MAP2K4: variants seen among roughly 807,000 people sequenced by gnomAD.
The protein encoded by MAP2K4 is mitogen-activated protein kinase kinase 4, also known as dual specificity mitogen-activated protein kinase kinase 4.
MAP2K4 carries 4 observed loss-of-function variants against 48.5 expected under a neutral mutation model. The ratio of observed to expected loss-of-function variants is 0.08; its 90% CI spans 0.04 to 0.19. MAP2K4 has a LOEUF of 0.19. Among genes scored for constraint, MAP2K4 ranks in the 10% least tolerant of loss-of-function variants. The pLI, the probability that MAP2K4 is intolerant of heterozygous loss-of-function variation, is 1.00. For synonymous variants in MAP2K4, 166 were observed against 173.1 expected (o/e 0.96, Z 0.32); for missense variants, 258 against 493.3 (o/e 0.52, Z 4.52).
intron 7 of MAP2K4, chr17:12,115,997 A>C (rs2151579788): frequency 2.7e-6 from 1 of 377,320 alleles, no homozygotes. Context: ...GTGGCACTCT[A>C]AAAATGCAGA....
chr17:12,089,005 G>A (rs1331602312), intron 3 of MAP2K4, among the ~76,000 whole-genome samples: 2 of 150,296 alleles, frequency 1.3e-5, no homozygotes, highest in East Asian at 2.0e-4. Flanking sequence ...TCCGCCTCCC[G>A]GGTTCACGCC....
chr17:12,094,782 T>G (rs1441131337), intron 3 of MAP2K4, among the ~76,000 whole-genome samples: 1 of 152,128 alleles, frequency 6.6e-6, no homozygotes. Context: ...TGCAAAGAAA[T>G]TGTTGTACAG....
At chr17:12,097,458 G>A (rs1396588993) in intron 4 of MAP2K4, among the ~76,000 whole-genome samples, 1 of 152,252 alleles carries the variant, frequency 6.6e-6, no homozygotes, top group Non-Finnish European at 1.5e-5. Context: ...AGAAAGCAGA[G>A]TAAGTCATAT....
chr17:12,100,759 G>A (rs1971911085), intron 4 of MAP2K4, among the ~76,000 whole-genome samples: 2 of 152,064 alleles, frequency 1.3e-5, no homozygotes, highest in African/African-American at 2.4e-5. Context: ...AGCCGTTCTA[G>A]TAAATGTGTG....
At chr17:12,066,185 G>A (rs1970612302) in intron 2 of MAP2K4, among the ~76,000 whole-genome samples, 1 of 150,380 alleles carries the variant, frequency 6.6e-6, no homozygotes, top group Admixed American at 6.6e-5. Context: ...AGCCAAAATG[G>A]CCCATTATCT....
intron 3 of MAP2K4, chr17:12,082,013 C>G (rs1555547045): frequency 1.9e-6 from 1 of 516,748 alleles, no homozygotes; most frequent in Non-Finnish European, 4.0e-6. Context: ...GGCTCGGCTT[C>G]TGTTTGTTTA....
chr17:12,061,685 C>T (rs1231942353), intron 2 of MAP2K4, among the ~76,000 whole-genome samples: 1 of 152,204 alleles, frequency 6.6e-6, no homozygotes, highest in East Asian at 1.9e-4. Context: ...TTTTAACCCA[C>T]AGTACTTCTA....
At chr17:12,038,253 T>C (rs1167586840) in intron 1 of MAP2K4, among the ~76,000 whole-genome samples, 1 of 152,150 alleles carries the variant, frequency 6.6e-6, no homozygotes, top group Admixed American at 6.5e-5. Context: ...TCAGATAAGG[T>C]GTAGTAAATA....
chr17:12,107,825 C>A lies in MAP2K4; in HGVS notation c.549C>A (p.Thr183=), dbSNP rs1394062159. ...DCWICMELMS[T]SFDKFYKYVY... ...GGATCTGTATGGAACTCATGTCTACCTCGTTTGATAAGTTTTACAAATATG... is the reference window on the plus strand; with the variant it reads ...GGATCTGTATGGAACTCATGTCTACATCGTTTGATAAGTTTTACAAATATG... Residue 183 remains threonine, a synonymous_variant, in exon 5 of 11, where the codon ACC becomes ACA. Transcript: ENST00000353533. The A allele has an allele frequency of 6.2e-7, 1 of 1,604,278 alleles. No individual in the cohort carries two copies. Among genetic ancestry groups the A allele is most frequent in the African/African-American group, 1.3e-5 (1 of 74,388 alleles).
rs190980619 is a variant in MAP2K4, at chr17:12,087,813, T to G, written c.393+6283T>G. ...TTTTCACAGGAAAGAAAGATTTACA[T>G]CTGTGATCAGCATTCTAGATAATTT... On this transcript the variant is annotated intron_variant, in intron 3 of 10. Transcript: ENST00000353533. 2.6e-5 allele frequency among the ~76,000 whole-genome samples: 4 copies of G among 152,226 alleles called. No homozygotes were observed. The East Asian group carries it at 7.7e-4, about 29-fold the overall frequency.
intron 2 of MAP2K4, among the ~76,000 whole-genome samples, chr17:12,076,066 A>G (rs1970990944): frequency 2.0e-5 from 3 of 152,164 alleles, no homozygotes; most frequent in Admixed American, 2.0e-4. Flanking sequence ...TGCACAGCAA[A>G]CACACTGCAT....
At chr17:12,125,973 A>G (rs917144373) in intron 8 of MAP2K4, among the ~76,000 whole-genome samples, 13 of 152,166 alleles carry the variant, frequency 8.5e-5, no homozygotes, top group Non-Finnish European at 7.3e-5. Context: ...TCACAGCTCC[A>G]CAGGTCGTAC....
chr17:12,021,551 T>A (rs868685987), intron 1 of MAP2K4: 2 of 147,168 alleles, frequency 1.4e-5, no homozygotes, highest in Non-Finnish European at 3.0e-5. Context: ...GACCTCGGGC[T>A]ACGGGGGCCT....
intron 1 of MAP2K4, among the ~76,000 whole-genome samples, chr17:12,027,631 G>T (rs1969299355): frequency 6.6e-6 from 1 of 152,102 alleles, no homozygotes; most frequent in Non-Finnish European, 1.5e-5. Flanking sequence ...GCCTGGCTTT[G>T]CTGAAGAAAT....
intron 8 of MAP2K4, among the ~76,000 whole-genome samples, chr17:12,128,138 C>T (rs1972910076): frequency 1.3e-5 from 2 of 152,180 alleles, no homozygotes; most frequent in Admixed American, 6.5e-5. Flanking sequence ...AGTGCAGTGG[C>T]GCAATCTCGG....
chr17:12,112,442 A>T (rs1167607878), intron 6 of MAP2K4, among the ~76,000 whole-genome samples: 1 of 150,692 alleles, frequency 6.6e-6, no homozygotes, highest in Non-Finnish European at 1.5e-5. Context: ...CAGCCTGGGT[A>T]AAAAAGAGCG....
rs566843394 is a variant in MAP2K4 at position 12,059,660 on chromosome 17, G to A, written c.218+4669G>A. Among the ~76,000 whole-genome samples the A allele has an allele frequency of 3.9e-5, 6 of 152,236 alleles. No individual in the cohort carries two copies. The South Asian group carries it at 1.2e-3, about 32-fold the overall frequency. Reference sequence around the variant, plus strand: ...TCTCTTTAGACCAGAGGATCTCTAGGATTTCCCTTATCTTTGTTTATTACA... The same window carrying A: ...TCTCTTTAGACCAGAGGATCTCTAGAATTTCCCTTATCTTTGTTTATTACA... On this transcript the variant is annotated intron_variant, in intron 2 of 10. Coordinates refer to ENST00000353533, the MANE Select transcript of MAP2K4 (RefSeq NM_003010.4).
At chr17:12,028,485 G>A (rs1490266029) in intron 1 of MAP2K4, among the ~76,000 whole-genome samples, 1 of 152,176 alleles carries the variant, frequency 6.6e-6, no homozygotes, top group Non-Finnish European at 1.5e-5. Context: ...ATTTAGGGTA[G>A]GTTTAGATAA....
At chr17:12,116,398 A>T (rs1157355618) in intron 7 of MAP2K4, among the ~76,000 whole-genome samples, 1 of 152,148 alleles carries the variant, frequency 6.6e-6, no homozygotes, top group Non-Finnish European at 1.5e-5. Context: ...AACACTGTAC[A>T]CTTAGGCTAC....
Sources: allele counts gnomAD v4.1 joint callset (sites outside exome capture counted in the v4.1 genomes callset), GRCh38; gene constraint gnomAD v4.1.1; transcripts MANE v1.5; gene names NCBI Gene and HGNC (gene_info 2026-07-23, HGNC 2026-07-21).